GSE1: variants seen among roughly 807,000 people sequenced by gnomAD.
GSE1 encodes genetic suppressor element 1.
Under a neutral mutation model 112.6 loss-of-function variants are expected in GSE1, and 32 were observed. The observed-to-expected ratio is 0.28, with a 90% confidence interval of 0.21 to 0.38. GSE1 has a LOEUF of 0.38. Ranked by LOEUF, GSE1 falls within the 10% of genes least tolerant of loss-of-function variation. The probability of loss-of-function intolerance (pLI) is 1.00; values close to 1 mark genes in which losing one functional copy is unlikely to be tolerated. For synonymous variants in GSE1, 1,115 were observed against 735.6 expected (o/e 1.52, Z -8.35); for missense variants, 2,348 against 1,699.2 (o/e 1.38, Z -6.71).
chr16:85,572,053 CCACACACCATA>C lies in GSE1; in HGVS notation c.37+15697_37+15707del, dbSNP rs1478280166. Among the ~76,000 whole-genome samples, 7 of 151,128 alleles carry C rather than the reference CCACACACCATA, an allele frequency of 4.6e-5. No homozygotes were observed. In the East Asian group the frequency reaches 5.8e-4, roughly 13 times the overall value. Reference sequence around the variant, plus strand: ...CACACACACACACGTACAACACATACCACACACCATACACACAACCACACCCCCCCACACCC... The same window carrying C: ...CACACACACACACGTACAACACATACCACACAACCACACCCCCCCACACCC... On this transcript the variant is annotated intron_variant, in intron 1 of 2. Transcript: ENST00000635906.
chr16:85,661,792 G>T, intron 9 of GSE1, 27 bp downstream of exon 9: 1 of 1,475,016 alleles, frequency 6.8e-7, no homozygotes, highest in Non-Finnish European at 9.0e-7. Flanking sequence ...GCCCCGAGCT[G>T]CTCAGGGAGA....
At chr16:85,225,452 T>TG (rs921562797) in intron 1 of GSE1, among the ~76,000 whole-genome samples, 2 of 152,030 alleles carry the variant, frequency 1.3e-5, no homozygotes, top group Non-Finnish European at 2.9e-5. Flanking sequence ...AGGGGCTTTG[T>TG]GGGGGGTAGG....
At chr16:85,323,965 C>A (rs149748794) in intron 1 of GSE1, among the ~76,000 whole-genome samples, 68 of 152,344 alleles carry the variant, frequency 4.5e-4, no homozygotes, top group African/African-American at 1.6e-3. Context: ...TGAACTGCTT[C>A]TGCACCACCC....
intron 1 of GSE1, chr16:85,593,908 TG>T (rs140752137): frequency 0.059 from 9,029 of 152,082 alleles, 343 homozygotes; most frequent in Non-Finnish European, 0.086. Context: ...TTCTCTCTTC[TG>T]GGGGGGCCGG....
Position 85,419,613 on chromosome 16 carries a change from A to G in GSE1, c.2464+61970A>G, listed in dbSNP as rs1159184243. ...AGAGCAAGGCTGTGTCTCAAAAAAA[A>G]AAAACAAAAAACAAAAAACAAAAAA... On this transcript the variant is annotated intron_variant, in intron 2 of 2. Transcript: ENST00000637419. This position sits in a 1 kb window ranked among gnomAD's most constrained non-coding sequence, Gnocchi z 6.5. Among the ~76,000 whole-genome samples, 1 of 151,888 alleles carries G rather than the reference A, an allele frequency of 6.6e-6. No individual in the cohort carries two copies. The highest frequency in any genetic ancestry group is 1.5e-5 in the Non-Finnish European group (1 of 67,958).
rs575666027 is a variant in GSE1, at chr16:85,403,093, G to T, written c.2464+45450G>T. ...CCCAAGCCCTCTCCCATGGTTGCTGGGGGGGGACTCAGTTCCTCTGGGCCG... is the reference window on the plus strand; with the variant it reads ...CCCAAGCCCTCTCCCATGGTTGCTGTGGGGGGACTCAGTTCCTCTGGGCCG... On this transcript the variant is annotated intron_variant, in intron 2 of 2. Coordinates refer to the GSE1 transcript ENST00000637419. Among the ~76,000 whole-genome samples the T allele has an allele frequency of 1.7e-3, 253 of 151,848 alleles. 1 individual carries two copies. Among genetic ancestry groups the T allele is most frequent in the African/African-American group, 5.7e-3 (236 of 41,444 alleles).
intron 2 of GSE1, among the ~76,000 whole-genome samples, chr16:85,471,139 T>G (rs2050281600): frequency 6.6e-6 from 1 of 151,874 alleles, no homozygotes; most frequent in African/African-American, 2.4e-5. Context: ...CCATTCGCCC[T>G]GGGTGCTCTC....
intron 2 of GSE1, among the ~76,000 whole-genome samples, chr16:85,469,164 G>A (rs961003989): frequency 2.0e-5 from 3 of 152,192 alleles, no homozygotes; most frequent in Non-Finnish European, 4.4e-5. Context: ...GCTGAGGCAG[G>A]AGAATCTCTT....
chr16:85,350,997 C>T (rs1484024695), intron 1 of GSE1, among the ~76,000 whole-genome samples: 3 of 152,220 alleles, frequency 2.0e-5, no homozygotes, highest in African/African-American at 7.2e-5. Context: ...CCAGGCTGGT[C>T]TCGAACTTCT....
At chr16:85,612,356 T>C (rs1304179655), upstream of GSE1, among the ~76,000 whole-genome samples, 1 of 151,376 alleles carries the variant, frequency 6.6e-6, no homozygotes, top group African/African-American at 2.4e-5. Flanking sequence ...GCTCCCTGAG[T>C]CATTCCAGTC....
intron 2 of GSE1, 83 bp downstream of exon 2, chr16:85,634,215 C>T: frequency 1.0e-6 from 1 of 958,980 alleles, no homozygotes; most frequent in Non-Finnish European, 1.4e-6. Flanking sequence ...GGCGTGCACG[C>T]TCACAGCAGG....
chr16:85,290,960 C>T (rs577289842), intron 1 of GSE1, among the ~76,000 whole-genome samples: 2 of 152,172 alleles, frequency 1.3e-5, no homozygotes, highest in East Asian at 1.9e-4. Context: ...GGGAAGTGCC[C>T]GTTCTCAGTG....
At chr16:85,360,646 G>C (rs987272744) in intron 2 of GSE1, among the ~76,000 whole-genome samples, 3 of 152,134 alleles carry the variant, frequency 2.0e-5, no homozygotes, top group Non-Finnish European at 4.4e-5. Context: ...TGCAGGGGGA[G>C]GGGGCACGTC....
chr16:85,256,053 C>T, intron 1 of GSE1, among the ~76,000 whole-genome samples: 1 of 152,210 alleles, frequency 6.6e-6, no homozygotes, highest in East Asian at 1.9e-4. Flanking sequence ...CCTCAGCTTC[C>T]CCATATGTAA....
In GSE1 at chr16:85,419,117, C is replaced by G. The variant is rs771564492; in HGVS notation, c.2464+61474C>G. Among the ~76,000 whole-genome samples the G allele has an allele frequency of 1.3e-5, 2 of 152,150 alleles. No individual in the cohort carries two copies. The highest frequency in any genetic ancestry group is 2.4e-5 in the African/African-American group (1 of 41,436). On this transcript the variant is annotated intron_variant, in intron 2 of 2. Coordinates refer to the GSE1 transcript ENST00000637419. This position sits in a 1 kb window ranked among gnomAD's most constrained non-coding sequence, Gnocchi z 6.5. ...ACAGATGGCGTGTAAAGCTGGGAGACTGGGGAGACACCTTGGGAGTGAGTG... is the reference window on the plus strand; with the variant it reads ...ACAGATGGCGTGTAAAGCTGGGAGAGTGGGGAGACACCTTGGGAGTGAGTG...
chr16:85,630,869 C>T (rs751450089), intron 1 of GSE1, among the ~76,000 whole-genome samples: 7 of 152,076 alleles, frequency 4.6e-5, no homozygotes, highest in Non-Finnish European at 7.4e-5. Context: ...TGGGCTTGGG[C>T]GATGGCTGTG....
Position 85,661,637 on chromosome 16 carries a change from C to G in GSE1, c.2132C>G (p.Pro711Arg). The change falls in exon 9 of 16, where the codon CCC becomes CGC. Residue 711 changes from proline (P) to arginine (R), a missense_variant. Physicochemically the swap from Pro to Arg is moderately radical, Grantham distance 103. Transcript: ENST00000253458. Reference protein sequence around the residue: ...ELSGPLKPGSPYRPPVPRAPD... With the variant: ...ELSGPLKPGSRYRPPVPRAPD... ...AGCGGACCCCTGAAGCCTGGCTCGCCCTACCGGCCCCCAGTGCCACGGGCC... is the reference window on the plus strand; with the variant it reads ...AGCGGACCCCTGAAGCCTGGCTCGCGCTACCGGCCCCCAGTGCCACGGGCC... 6.2e-7 allele frequency: 1 copy of G among 1,611,416 alleles called. No individual in the cohort carries two copies. Among genetic ancestry groups the G allele is most frequent in the South Asian group, 1.1e-5 (1 of 90,938 alleles).
At chr16:85,319,019 G>T (rs751425046) in intron 1 of GSE1, among the ~76,000 whole-genome samples, 23 of 152,190 alleles carry the variant, frequency 1.5e-4, no homozygotes, top group Admixed American at 7.2e-4. Context: ...GTGTCCTTTG[G>T]AAAGCGAGCA....
rs774615151 is a variant in GSE1 at position 85,184,986 on chromosome 16, T to G, written c.2283+13179T>G. The G allele has an allele frequency of 7.2e-5, 11 of 152,254 alleles. No individual in the cohort carries two copies. The East Asian group carries it at 7.7e-4, about 11-fold the overall frequency. The allele number at this position is 152,254 out of a possible 1,614,324, so 9.4% of individuals were successfully genotyped here. On this transcript the variant is annotated intron_variant, in intron 1 of 2. Coordinates refer to the GSE1 transcript ENST00000637419. ...AAATTGTCTAGGTCATTAACTTTTT[T>G]TGTGTGTGTCTATCAGTTGCTAAGA...
Sources: gnomAD v4.1 joint callset for allele counts (sites outside exome capture counted in the v4.1 genomes callset) on GRCh38, gnomAD v4.1.1 for gene constraint, Gnocchi (gnomAD v3.1) non-coding constraint, MANE v1.5 for transcripts, NCBI Gene and HGNC (gene_info 2026-07-23, HGNC 2026-07-21) for gene names.